Variants in AOX1 observed in about 807,000 individuals in gnomAD.
AOX1 encodes aldehyde oxidase.
In AOX1, 153 loss-of-function variants were observed where a neutral mutation model predicts 169.5. The observed-to-expected ratio is 0.90, with a 90% CI of 0.79 to 1.03. The LOEUF (loss-of-function observed/expected upper bound fraction) is 1.03. AOX1 is among the 50% of genes least tolerant of loss of function. The pLI is 0.00. For missense variants in AOX1, 1,656 were observed against 1,663.9 expected (o/e 1.00, Z 0.08); for synonymous variants, 562 against 581.9 (o/e 0.97, Z 0.49).
intron 25 of AOX1, among the ~76,000 whole-genome samples, chr2:200,646,395 C>CAGTTTTAT (rs1408420819): frequency 6.6e-6 from 1 of 152,042 alleles, no homozygotes; most frequent in Admixed American, 6.6e-5. Flanking sequence ...AACTGATTTC[C>CAGTTTTAT]AGTTTTATTC....
intron 32 of AOX1, among the ~76,000 whole-genome samples, 182 bp downstream of exon 32, chr2:200,666,934 G>A (rs139527105): frequency 1.5e-3 from 221 of 152,254 alleles, no homozygotes; most frequent in African/African-American, 5.1e-3. Context: ...GGAAATAAAG[G>A]TGTTTTAGGT....
chr2:200,628,529 G>A (rs1394764851), intron 20 of AOX1, among the ~76,000 whole-genome samples: 1 of 152,152 alleles, frequency 6.6e-6, no homozygotes, highest in Non-Finnish European at 1.5e-5. Flanking sequence ...ATGCTATTGG[G>A]TGGGTATGGG....
rs765106050 is a variant in AOX1 at position 200,656,864 on chromosome 2, A to G, written c.3098A>G (p.Tyr1033Cys). Residue 1033 changes from tyrosine (Y) to cysteine (C), a missense_variant, in exon 27 of 35, where the codon TAT (tyrosine) becomes TGT (cysteine). Physicochemically the swap from Tyr to Cys is radical, Grantham distance 194. Transcript: ENST00000374700. ...CAGGCTGCTGCCTTGGTTCACATTT[A>G]TCTTGATGGCTCTGTGCTGGTCACT... Reference protein sequence around the residue: ...AGQAAALVHIYLDGSVLVTHG... With the variant: ...AGQAAALVHICLDGSVLVTHG... 2 of 1,588,508 alleles carry G rather than the reference A, an allele frequency of 1.3e-6. No homozygotes were observed. Among genetic ancestry groups the G allele is most frequent in the Non-Finnish European group, 1.7e-6 (2 of 1,166,964 alleles).
intron 1 of AOX1, among the ~76,000 whole-genome samples, chr2:200,590,960 C>A (rs1356480396): frequency 6.6e-6 from 1 of 152,092 alleles, no homozygotes; most frequent in Admixed American, 6.5e-5. Flanking sequence ...TTCCAAGTAG[C>A]GGGAAGGAAG....
In AOX1 at chr2:200,664,897, C is replaced by T. The variant is rs1448913660; in HGVS notation, c.3544-1790C>T. Among the ~76,000 whole-genome samples, 3 of 152,178 alleles carry T rather than the reference C, an allele frequency of 2.0e-5. No individual in the cohort carries two copies. The East Asian group carries it at 5.8e-4, about 29-fold the overall frequency. On this transcript the variant is annotated intron_variant, in intron 31 of 34. Transcript: ENST00000374700. ...GCTCACACCACTTCTGAGGGGCTGG[C>T]CTCCGGGAGTGGCTTATCTGGGTGA...
rs1179413307 is a variant in AOX1, at chr2:200,665,590, C to T, written c.3544-1097C>T. ...GGGACTACAGGCACGTGCCATCACC[C>T]CTGGCTAATTTTTGTATTTTTAGTA... On this transcript the variant is annotated intron_variant, in intron 31 of 34. Transcript: ENST00000374700. Among the ~76,000 whole-genome samples the T allele has an allele frequency of 2.6e-5, 4 of 152,266 alleles. No individual in the cohort carries two copies. The East Asian group carries it at 7.7e-4, about 29-fold the overall frequency.
intron 26 of AOX1, among the ~76,000 whole-genome samples, chr2:200,653,489 A>G (rs1038182116): frequency 2.6e-5 from 4 of 152,202 alleles, no homozygotes; most frequent in East Asian, 1.9e-4. Flanking sequence ...GAATCTCTCT[A>G]TTTCACAGAA....
At position 200,597,495 on chromosome 2, in the gene AOX1, A is replaced by T. The variant is rs564342009; in HGVS notation, c.299A>T (p.His100Leu). 1.9e-6 allele frequency: 3 copies of T among 1,609,336 alleles called. No homozygotes were observed. The highest frequency in any genetic ancestry group is 2.7e-5 in the African/African-American group (2 of 74,992). Reference sequence around the variant, plus strand: ...ATAGGAAGCACCCACACCAGAATTCATCCTGTTCAGGTGAGGATGTGCCTC... The same window carrying T: ...ATAGGAAGCACCCACACCAGAATTCTTCCTGTTCAGGTGAGGATGTGCCTC... ...EGIGSTHTRI[H>L]PVQERIAKCH... is the part of the protein sequence containing the mutation. Residue 100 changes from histidine (H) to leucine (L), a missense_variant, in exon 4 of 35, where the codon CAT becomes CTT. By Grantham distance (99) the His-to-Leu change is moderately conservative (BLOSUM62 -3). Transcript: ENST00000374700.
intron 1 of AOX1, 26 bp from the exon 2 acceptor site, chr2:200,593,120 T>C: frequency 6.3e-7 from 1 of 1,585,378 alleles, no homozygotes; most frequent in Non-Finnish European, 8.7e-7. Flanking sequence ...CTCTCTCAAC[T>C]AACTCTTATT....
chr2:200,600,435 G>A (rs1480850292), intron 5 of AOX1, among the ~76,000 whole-genome samples: 1 of 151,672 alleles, frequency 6.6e-6, no homozygotes, highest in Non-Finnish European at 1.5e-5. Context: ...ATCCACCCTA[G>A]AGCGTTTTTG....
chr2:200,601,229 G>A (rs1186531593), intron 5 of AOX1, among the ~76,000 whole-genome samples: 1 of 152,034 alleles, frequency 6.6e-6, no homozygotes, highest in Non-Finnish European at 1.5e-5. Flanking sequence ...AATACTACAT[G>A]AGCCCACTTA....
At chr2:200,672,355 T>G (rs1042456797), downstream of AOX1, among the ~76,000 whole-genome samples, 4 of 152,186 alleles carry the variant, frequency 2.6e-5, no homozygotes, top group African/African-American at 7.2e-5. Context: ...TGAGAAGTTG[T>G]GAGAATCAAG....
At chr2:200,604,170 G>A in intron 8 of AOX1, 73 bp downstream of exon 8, 3 of 1,182,574 alleles carry the variant, frequency 2.5e-6, no homozygotes, top group Non-Finnish European at 2.5e-6. Context: ...TTGTTTATGG[G>A]TTCTCTCAAA....
chr2:200,633,368 G>C (rs539795491), intron 20 of AOX1, among the ~76,000 whole-genome samples: 14 of 152,032 alleles, frequency 9.2e-5, no homozygotes, highest in Non-Finnish European at 2.1e-4. Context: ...ATGGGTTCCT[G>C]AGGTGCTGTT....
exon 5 of AOX1, chr2:200,676,957 T>C (rs1340139564): frequency 6.4e-6 from 3 of 470,344 alleles, no homozygotes; most frequent in Non-Finnish European, 1.3e-5. Flanking sequence ...CCAATGCTGG[T>C]GGCATAATGT....
At chr2:200,664,785 C>A (rs976965076) in intron 31 of AOX1, among the ~76,000 whole-genome samples, 12 of 152,256 alleles carry the variant, frequency 7.9e-5, no homozygotes, top group African/African-American at 2.9e-4. Context: ...ATTTTCCTCA[C>A]TTTGAACCTA....
At chr2:200,654,476 C>G (rs974789615) in intron 26 of AOX1, among the ~76,000 whole-genome samples, 1 of 152,186 alleles carries the variant, frequency 6.6e-6, no homozygotes, top group African/African-American at 2.4e-5. Context: ...CTTGTATGCA[C>G]TGGGAAACAA....
rs202239603 is a variant in AOX1, at chr2:200,599,735, A to G, written c.425A>G (p.Asp142Gly). The G allele has an allele frequency of 1.8e-5, 29 of 1,598,236 alleles. No individual in the cohort carries two copies. Among genetic ancestry groups the G allele is most frequent in the Non-Finnish European group, 2.4e-5 (28 of 1,171,892 alleles). The change falls in exon 5 of 35, where the codon GAT (aspartate) becomes GGT (glycine). Residue 142 changes from aspartate (D) to glycine (G), a missense_variant. Transcript: ENST00000374700. Reference sequence around the variant, plus strand: ...GAGCCCACTCTGGATCAGTTAACTGATGCCCTTGGTGGTAGGTTATATATG... The same window carrying G: ...GAGCCCACTCTGGATCAGTTAACTGGTGCCCTTGGTGGTAGGTTATATATG... ...HPEPTLDQLT[D>G]ALGGNLCRCT...
chr2:200,647,895 CA>C (rs2035492528), intron 25 of AOX1, among the ~76,000 whole-genome samples: 1 of 152,156 alleles, frequency 6.6e-6, no homozygotes, highest in African/African-American at 2.4e-5. Context: ...CTTTCCAGAG[CA>C]TTTTGCATTT....
Sources: gnomAD v4.1 joint callset for allele counts (sites outside exome capture counted in the v4.1 genomes callset) on GRCh38, gnomAD v4.1.1 for gene constraint, MANE v1.5 for transcripts, NCBI Gene and HGNC (gene_info 2026-07-23, HGNC 2026-07-21) for gene names.